The following ARAP2 variants were observed in gnomAD, a reference collection of about 807,000 sequenced individuals.
The protein encoded by ARAP2 is arf-GAP with Rho-GAP domain, ANK repeat and PH domain-containing protein 2.
ARAP2 carries 148 observed loss-of-function variants against 194.5 expected under a neutral mutation model. That is an observed-to-expected ratio of 0.76 (90% CI 0.67 to 0.87). ARAP2 has a LOEUF of 0.87. Among genes scored for constraint, ARAP2 ranks in the 40% least tolerant of loss-of-function variants. ARAP2 has a pLI of 0.00. For missense variants in ARAP2, 2,128 were observed against 1,989.7 expected (o/e 1.07, Z -1.32); for synonymous variants, 695 against 683.5 (o/e 1.02, Z -0.26).
chr4:36,064,734 C>T (rs1289978406), downstream of ARAP2, among the ~76,000 whole-genome samples: 1 of 152,170 alleles, frequency 6.6e-6, no homozygotes, highest in Non-Finnish European at 1.5e-5. Context: ...AGGCTGAAGT[C>T]CATGGACCCA....
At chr4:36,099,890 GA>G (rs562741849) in intron 27 of ARAP2, among the ~76,000 whole-genome samples, 170 of 152,190 alleles carry the variant, frequency 1.1e-3, no homozygotes, top group African/African-American at 3.9e-3. Context: ...TTAATTAATG[GA>G]GGGAGGACAT....
chr4:36,208,419 G>C (rs1306799218), intron 6 of ARAP2, among the ~76,000 whole-genome samples: 4 of 152,150 alleles, frequency 2.6e-5, no homozygotes, highest in Non-Finnish European at 4.4e-5. Flanking sequence ...GAGACCATTT[G>C]ACTATAAAGC....
At chr4:36,135,897 C>T in intron 19 of ARAP2, among the ~76,000 whole-genome samples, 1 of 151,576 alleles carries the variant, frequency 6.6e-6, no homozygotes. Flanking sequence ...ATGCAGTGGC[C>T]CTCCTACAAT....
chr4:36,023,060 T>C (rs1003651262), intron 5 of ARAP2, among the ~76,000 whole-genome samples: 2 of 152,200 alleles, frequency 1.3e-5, no homozygotes, highest in African/African-American at 2.4e-5. Flanking sequence ...ATTCAGGACA[T>C]AGCTACCAAG....
At chr4:36,091,317 C>T (rs1307256573) in intron 28 of ARAP2, among the ~76,000 whole-genome samples, 1 of 152,076 alleles carries the variant, frequency 6.6e-6, no homozygotes, top group East Asian at 1.9e-4. Context: ...ATAGCTACAT[C>T]ATTTATCTAC....
chr4:36,172,058 T>C (rs1357883098), intron 9 of ARAP2, among the ~76,000 whole-genome samples: 1 of 152,168 alleles, frequency 6.6e-6, no homozygotes, highest in Non-Finnish European at 1.5e-5. Flanking sequence ...GGTAGAGTTA[T>C]AGTATTATAG....
chr4:36,238,998 G>A (rs1752983554), intron 1 of ARAP2, among the ~76,000 whole-genome samples: 1 of 152,200 alleles, frequency 6.6e-6, no homozygotes, highest in Non-Finnish European at 1.5e-5. Flanking sequence ...TTAAGGCCAG[G>A]CATGGTGGCT....
At chr4:36,188,478 C>A (rs990975781) in intron 7 of ARAP2, among the ~76,000 whole-genome samples, 1 of 152,006 alleles carries the variant, frequency 6.6e-6, no homozygotes, top group Non-Finnish European at 1.5e-5. Context: ...TATTTAAATC[C>A]GACTTTTAAA....
chr4:36,130,111 C>G (rs1247763828), intron 20 of ARAP2, among the ~76,000 whole-genome samples: 1 of 151,944 alleles, frequency 6.6e-6, no homozygotes, highest in Non-Finnish European at 1.5e-5. Context: ...CCTCTCCTTT[C>G]CATCCCATAT....
Position 36,161,518 on chromosome 4 carries a change from T to G in ARAP2, c.2206A>C (p.Lys736Gln), listed in dbSNP as rs1668403364. The G allele has an allele frequency of 3.1e-6, 5 of 1,613,942 alleles. No individual in the cohort carries two copies. The highest frequency in any genetic ancestry group is 4.2e-6 in the Non-Finnish European group (5 of 1,179,932). The part of the protein sequence containing the change: ...QHRSLGPKDS[K>Q]VRSLKMDASI... The stretch of plus-strand genomic sequence containing the variant: ...GCATCCATTTTTAGACTTCTAACCT[T>G]GGAATCTTTTGGTCCTAAAGATCTA... Residue 736 changes from lysine (K) to glutamine (Q), a missense_variant, in exon 12 of 33, where the codon AAG becomes CAG. Physicochemically the swap from Lys to Gln is moderately conservative, Grantham distance 53. Transcript: ENST00000303965.
intron 9 of ARAP2, among the ~76,000 whole-genome samples, chr4:36,007,484 A>C (rs148623581): frequency 1.6e-4 from 24 of 152,350 alleles, no homozygotes; most frequent in African/African-American, 5.5e-4. Context: ...GTTTGAAGCT[A>C]CCAGAAATTG....
intron 8 of ARAP2, among the ~76,000 whole-genome samples, chr4:36,186,854 C>T (rs1476226149): frequency 2.0e-5 from 3 of 152,214 alleles, no homozygotes; most frequent in Non-Finnish European, 2.9e-5. Context: ...AGAAAACAAG[C>T]TCAGGGATCC....
intron 2 of ARAP2, among the ~76,000 whole-genome samples, chr4:36,218,178 G>A (rs1303264320): frequency 6.6e-6 from 1 of 152,110 alleles, no homozygotes; most frequent in Non-Finnish European, 1.5e-5. Context: ...TTACATGGAT[G>A]GAGCAGGAGG....
At chr4:36,218,074 A>G (rs1037730523) in intron 2 of ARAP2, among the ~76,000 whole-genome samples, 4 of 152,150 alleles carry the variant, frequency 2.6e-5, no homozygotes, top group African/African-American at 7.2e-5. Context: ...TTCGTGATTT[A>G]TTATATAGCT....
At chr4:36,151,778 G>T (rs982507201) in intron 15 of ARAP2, among the ~76,000 whole-genome samples, 1 of 151,820 alleles carries the variant, frequency 6.6e-6, no homozygotes, top group Non-Finnish European at 1.5e-5. Flanking sequence ...ATATATACCC[G>T]TATATACATA....
At chr4:36,152,744 T>C (rs1412397155) in intron 15 of ARAP2, among the ~76,000 whole-genome samples, 2 of 151,918 alleles carry the variant, frequency 1.3e-5, no homozygotes, top group East Asian at 1.9e-4. Flanking sequence ...GTTTCTAAAG[T>C]AGCAAAAAAT....
rs1000954447 is a variant in ARAP2 at position 36,196,170 on chromosome 4, A to T, written c.1488-2523T>A. On this transcript the variant is annotated intron_variant, in intron 6 of 32. Coordinates refer to ENST00000303965, the MANE Select transcript of ARAP2 (RefSeq NM_015230.4). Reference sequence around the variant, plus strand: ...TATAAAAGGTTTACAACCTATTTTCACATGTCTTACTTAAGATTAACTGCA... The same window carrying T: ...TATAAAAGGTTTACAACCTATTTTCTCATGTCTTACTTAAGATTAACTGCA... Among the ~76,000 whole-genome samples, 118 of 152,190 alleles carry T rather than the reference A, an allele frequency of 7.8e-4. 1 individual carries two copies. The highest frequency in any genetic ancestry group is 3.2e-4 in the Non-Finnish European group (22 of 68,024).
chr4:36,117,020 G>T, intron 25 of ARAP2, 41 bp downstream of exon 25: 1 of 1,325,254 alleles, frequency 7.5e-7, no homozygotes, highest in Non-Finnish European at 1.0e-6. Flanking sequence ...TAACATTTGT[G>T]ACTTCCAACA....
chr4:36,092,179 T>C (rs1713860985), intron 27 of ARAP2, among the ~76,000 whole-genome samples, 159 bp from the exon 28 acceptor site: 1 of 152,202 alleles, frequency 6.6e-6, no homozygotes, highest in South Asian at 2.1e-4. Context: ...GTCTGAAGTA[T>C]AGCTATTTAT....
Sources: allele counts gnomAD v4.1 joint callset (sites outside exome capture counted in the v4.1 genomes callset), GRCh38; gene constraint gnomAD v4.1.1; transcripts MANE v1.5; gene names NCBI Gene and HGNC (gene_info 2026-07-23, HGNC 2026-07-21).